The following STX12 variants were observed in gnomAD, a reference collection of about 807,000 sequenced individuals.
STX12 encodes syntaxin-12.
Under a neutral mutation model 42.2 loss-of-function variants are expected in STX12, and 17 were observed. The ratio of observed to expected loss-of-function variants is 0.40; its 90% CI spans 0.28 to 0.60. The LOEUF (loss-of-function observed/expected upper bound fraction) is 0.60, where lower values mean the gene tolerates loss of function less well. STX12 is among the 20% of genes least tolerant of loss of function. The pLI is 0.39. For synonymous variants in STX12, 108 were observed against 116.7 expected (o/e 0.93, Z 0.48); for missense variants, 297 against 330.9 (o/e 0.90, Z 0.79).
chr1:27,804,007 C>CA (rs1557804322), intron 4 of STX12, among the ~76,000 whole-genome samples: 1 of 150,990 alleles, frequency 6.6e-6, no homozygotes, highest in Non-Finnish European at 1.5e-5. Context: ...TCTCAAAAAA[C>CA]AAAAAACAAA....
At chr1:27,785,563 G>GT (rs1394563628) in intron 1 of STX12, among the ~76,000 whole-genome samples, 1 of 152,074 alleles carries the variant, frequency 6.6e-6, no homozygotes, top group African/African-American at 2.4e-5. Context: ...TACACAAATA[G>GT]TTTAAGTATT....
chr1:27,821,556 G>A (rs1159514993), intron 8 of STX12, among the ~76,000 whole-genome samples: 1 of 143,868 alleles, frequency 7.0e-6, no homozygotes, highest in Non-Finnish European at 1.5e-5. Flanking sequence ...CCCTCCGCTT[G>A]CTGTATTTTT....
intron 3 of STX12, among the ~76,000 whole-genome samples, chr1:27,799,489 G>GTTTTTTTTTTTTTTTTTTTT (rs1301649143): frequency 7.8e-6 from 1 of 127,728 alleles, no homozygotes; most frequent in African/African-American, 3.1e-5. Context: ...TTTTTTTTTT[G>GTTTTTTTTTTTTTTTTTTTT]TTTTTTTTTT....
intron 3 of STX12, among the ~76,000 whole-genome samples, chr1:27,800,488 GGTGT>G (rs57488710): frequency 0.38 from 54,130 of 140,628 alleles, 10,397 homozygotes; most frequent in Admixed American, 0.47. Flanking sequence ...GTCAGTATGT[GGTGT>G]GTGTGTGTGT....
At chr1:27,822,115 T>A in intron 8 of STX12, 116 bp from the exon 9 acceptor site, 1 of 679,374 alleles carries the variant, frequency 1.5e-6, no homozygotes, top group Admixed American at 2.3e-5. Context: ...TAATTTTGCA[T>A]GGATAGAGTT....
rs550258114 is a variant in STX12, at chr1:27,786,579, T to C, written c.119-2983T>C. On this transcript the variant is annotated intron_variant, in intron 1 of 8. Transcript: ENST00000373943. ...CTACCTGATATGTTTATTGTCTATC[T>C]CTTTTCCTTAGAAGACTCTCGAAGG... Among the ~76,000 whole-genome samples, 7 of 152,324 alleles carry C rather than the reference T, an allele frequency of 4.6e-5. No homozygotes were observed. In the East Asian group the frequency reaches 1.3e-3, roughly 29 times the overall value.
rs1330386872 is a variant in STX12, at chr1:27,810,302, T to C, written c.470+13T>C. 1 of 1,609,322 alleles carries C rather than the reference T, an allele frequency of 6.2e-7. No homozygotes were observed. The highest frequency in any genetic ancestry group is 1.7e-5 in the Admixed American group (1 of 59,964). On this transcript the variant is annotated intron_variant, in intron 5 of 8. Transcript: ENST00000373943. ...TCTCATTTGACAGGTAATAGAATTATTCATACAACCTGCTGGATAGTTGAG... is the reference window on the plus strand; with the variant it reads ...TCTCATTTGACAGGTAATAGAATTACTCATACAACCTGCTGGATAGTTGAG...
At chr1:27,799,645 G>A (rs192513753) in intron 3 of STX12, among the ~76,000 whole-genome samples, 119 of 151,920 alleles carry the variant, frequency 7.8e-4, no homozygotes, top group African/African-American at 2.8e-3. Flanking sequence ...CACCACGCCT[G>A]GCTAATTTTT....
At chr1:27,819,986 A>T in intron 8 of STX12, 1 of 313,868 alleles carries the variant, frequency 3.2e-6, no homozygotes, top group Middle Eastern at 9.6e-4. Context: ...ATGATACCTA[A>T]ATCTGCTATG....
intron 2 of STX12, among the ~76,000 whole-genome samples, chr1:27,792,203 T>C (rs1393730521): frequency 3.0e-5 from 4 of 134,326 alleles, no homozygotes; most frequent in Admixed American, 7.9e-5. Context: ...TGTATATACA[T>C]ATATATGTAT....
chr1:27,774,697 C>T (rs937317173), intron 1 of STX12, among the ~76,000 whole-genome samples: 2 of 151,688 alleles, frequency 1.3e-5, no homozygotes, highest in East Asian at 3.9e-4. Flanking sequence ...TTTATTTTTT[C>T]GAGACAGAGT....
chr1:27,810,250 AAG>A lies in STX12; in HGVS notation c.436_437del (p.Arg146AlafsTer10). On this transcript the variant is annotated frameshift_variant, in exon 5 of 9. Coordinates refer to ENST00000373943, the MANE Select transcript of STX12 (RefSeq NM_177424.3). LOFTEE classifies it high-confidence loss of function. ...ATAATACCATCTACTTTCTAGGCAG[AAG>A]AGAGGCAAAGAGAGGAGCAGCTGGT... 1 of 1,613,640 alleles carries A rather than the reference AAG, an allele frequency of 6.2e-7. No individual in the cohort carries two copies. Among genetic ancestry groups the A allele is most frequent in the Non-Finnish European group, 8.5e-7 (1 of 1,179,672 alleles).
intron 4 of STX12, 136 bp downstream of exon 4, chr1:27,801,951 T>C (rs1254674012): frequency 9.9e-7 from 1 of 1,012,004 alleles, no homozygotes; most frequent in Admixed American, 3.2e-5. Context: ...GTGTAACCTA[T>C]GTAAAAAACA....
intron 1 of STX12, among the ~76,000 whole-genome samples, chr1:27,789,213 A>AT (rs942418620): frequency 2.6e-4 from 39 of 149,742 alleles, no homozygotes; most frequent in East Asian, 1.4e-3. Flanking sequence ...ATTTGACTTG[A>AT]TTTTTTTTTT....
At chr1:27,787,608 G>A (rs888518208) in intron 1 of STX12, among the ~76,000 whole-genome samples, 1 of 151,702 alleles carries the variant, frequency 6.6e-6, no homozygotes, top group East Asian at 1.9e-4. Flanking sequence ...GCAGTGAGCC[G>A]AGATCATGCC....
intron 2 of STX12, among the ~76,000 whole-genome samples, chr1:27,790,436 A>G (rs1479774175): frequency 2.0e-5 from 3 of 152,094 alleles, no homozygotes; most frequent in Admixed American, 2.0e-4. Flanking sequence ...GGTCCATTTT[A>G]CAGAGCACTG....
At chr1:27,795,137 G>A (rs981731608) in intron 3 of STX12, among the ~76,000 whole-genome samples, 2 of 152,066 alleles carry the variant, frequency 1.3e-5, no homozygotes, top group African/African-American at 2.4e-5. Flanking sequence ...AGTATGGGTT[G>A]TGGCTAGTGG....
At chr1:27,811,919 C>A in intron 5 of STX12, 1 of 582,068 alleles carries the variant, frequency 1.7e-6, no homozygotes, top group Non-Finnish European at 3.3e-6. Flanking sequence ...GCCAGGAGTC[C>A]CATCCGTCAT....
chr1:27,773,390 C>A lies in STX12; in HGVS notation c.83C>A (p.Thr28Lys). 6.2e-7 allele frequency: 1 copy of A among 1,613,756 alleles called. No homozygotes were observed. Among genetic ancestry groups the A allele is most frequent in the Non-Finnish European group, 8.5e-7 (1 of 1,179,794 alleles). ...QLRDFSSIIQ[T>K]CSGNIQRISQ... ...CGGGACTTCAGCAGCATCATCCAGA[C>A]GTGCAGCGGCAACATCCAGCGGATC... Residue 28 changes from threonine to lysine, a missense_variant, in exon 1 of 9, where the codon ACG (threonine) becomes AAG (lysine). Physicochemically the swap from Thr to Lys is moderately conservative, Grantham distance 78 (BLOSUM62 -1). Transcript: ENST00000373943.
Sources: allele counts gnomAD v4.1 joint callset (sites outside exome capture counted in the v4.1 genomes callset), GRCh38; gene constraint gnomAD v4.1.1; transcripts MANE v1.5; gene names NCBI Gene and HGNC (gene_info 2026-07-23, HGNC 2026-07-21).